Variants in CACHD1 observed in about 807,000 individuals in gnomAD.
CACHD1 encodes cache domain containing 1.
Under a neutral mutation model 138.7 loss-of-function variants are expected in CACHD1, and 71 were observed. The ratio of observed to expected loss-of-function variants is 0.51; its 90% CI spans 0.42 to 0.62. CACHD1 has a LOEUF of 0.62. CACHD1 is among the 20% of genes least tolerant of loss of function. The pLI, the probability that CACHD1 is intolerant of heterozygous loss-of-function variation, is 0.00. For synonymous variants in CACHD1, 578 were observed against 591.5 expected (o/e 0.98, Z 0.33); for missense variants, 1,389 against 1,625.3 (o/e 0.85, Z 2.50).
At chr1:64,638,774 C>A (rs1648606322) in intron 7 of CACHD1, among the ~76,000 whole-genome samples, 1 of 152,094 alleles carries the variant, frequency 6.6e-6, no homozygotes, top group Non-Finnish European at 1.5e-5. Flanking sequence ...CCCCAAGTCC[C>A]TGTAATTGCT....
rs1646625511 is a variant in CACHD1, at chr1:64,535,513, C to A, written c.199-15081C>A. ...GTTAATTTTGTATTTTTAGTAGAGG[C>A]AGAGTTTCACCATGTTGGCCAGGGT... is the stretch of plus-strand genomic sequence containing the variant. On this transcript the variant is annotated intron_variant, in intron 1 of 26. Coordinates refer to ENST00000651257, the MANE Select transcript of CACHD1 (RefSeq NM_020925.4). 2.0e-5 allele frequency among the ~76,000 whole-genome samples: 3 copies of A among 151,894 alleles called. No individual in the cohort carries two copies. In the South Asian group the frequency reaches 6.3e-4, roughly 32 times the overall value.
At chr1:64,617,240 G>A (rs939520082) in intron 4 of CACHD1, among the ~76,000 whole-genome samples, 1 of 151,760 alleles carries the variant, frequency 6.6e-6, no homozygotes, top group Non-Finnish European at 1.5e-5. Context: ...GTAATCTGTG[G>A]GTTCTAAAAA....
chr1:64,573,404 C>T lies in CACHD1; in HGVS notation c.262-8752C>T, dbSNP rs557472933. On this transcript the variant is annotated intron_variant, in intron 2 of 26. Transcript: ENST00000651257. ...TCTTGATCTTTGACTTCCCACTTTA[C>T]AGAACTATGAGAAATAAATATTTGT... Among the ~76,000 whole-genome samples the T allele has an allele frequency of 3.9e-5, 6 of 152,286 alleles. No homozygotes were observed. The South Asian group carries it at 1.0e-3, about 26-fold the overall frequency.
chr1:64,507,056 T>G (rs1478548938), intron 1 of CACHD1, among the ~76,000 whole-genome samples: 1 of 152,186 alleles, frequency 6.6e-6, no homozygotes, highest in Non-Finnish European at 1.5e-5. Flanking sequence ...GATGTGAATA[T>G]TTTGAGGTCC....
chr1:64,554,594 G>T (rs575734378), intron 2 of CACHD1, among the ~76,000 whole-genome samples: 63 of 152,274 alleles, frequency 4.1e-4, no homozygotes, highest in African/African-American at 1.3e-3. Context: ...CATTTGCCTC[G>T]CTCTGATTAC....
chr1:64,618,791 G>A lies in CACHD1; in HGVS notation c.518-10564G>A, dbSNP rs113028349. Among the ~76,000 whole-genome samples, 829 of 152,304 alleles carry A rather than the reference G, an allele frequency of 5.4e-3. 4 individuals are homozygous for A. Among genetic ancestry groups the A allele is most frequent in the Non-Finnish European group, 8.5e-3 (578 of 68,020 alleles). ...CAGTTTTGTTCTGTTGAGGAAGTAT[G>A]TGTGTTTTCGTTTGTCTGTGTCTCT... On this transcript the variant is annotated intron_variant, in intron 4 of 26. Transcript: ENST00000651257.
chr1:64,489,670 A>G (rs1002077134), intron 1 of CACHD1, among the ~76,000 whole-genome samples: 4 of 152,186 alleles, frequency 2.6e-5, no homozygotes, highest in African/African-American at 9.7e-5. Flanking sequence ...TGAGGTTTGT[A>G]AGAATATCTA....
chr1:64,513,885 C>T (rs1646440053), intron 1 of CACHD1, among the ~76,000 whole-genome samples: 2 of 152,110 alleles, frequency 1.3e-5, no homozygotes, highest in Non-Finnish European at 2.9e-5. Flanking sequence ...TGTAAAATTT[C>T]CTGAATTTTA....
At chr1:64,503,215 G>A (rs988743097) in intron 1 of CACHD1, among the ~76,000 whole-genome samples, 4 of 152,070 alleles carry the variant, frequency 2.6e-5, no homozygotes. Context: ...TTTTTAATGT[G>A]AAAAATAAAG....
At chr1:64,491,739 C>T (rs1033875543) in intron 1 of CACHD1, among the ~76,000 whole-genome samples, 4 of 152,124 alleles carry the variant, frequency 2.6e-5, no homozygotes, top group Non-Finnish European at 4.4e-5. Context: ...GCCTCAGCCT[C>T]CTGAGTAGCT....
At chr1:64,554,298 C>T (rs967701916) in intron 2 of CACHD1, among the ~76,000 whole-genome samples, 5 of 152,202 alleles carry the variant, frequency 3.3e-5, no homozygotes, top group Non-Finnish European at 7.3e-5. Context: ...TATCCTTGGC[C>T]TCCTGCCAAC....
chr1:64,667,747 A>T (rs189747465), intron 16 of CACHD1, among the ~76,000 whole-genome samples: 1 of 152,352 alleles, frequency 6.6e-6, no homozygotes, highest in Admixed American at 6.5e-5. Flanking sequence ...ATGTTGTTAT[A>T]GTGCAGGGAA....
intron 1 of CACHD1, among the ~76,000 whole-genome samples, chr1:64,533,379 C>G (rs1353066412): frequency 6.6e-6 from 1 of 152,132 alleles, no homozygotes; most frequent in Non-Finnish European, 1.5e-5. Context: ...AGAGGCCCTT[C>G]AGACACCGAG....
intron 1 of CACHD1, among the ~76,000 whole-genome samples, chr1:64,512,125 G>A (rs894733042): frequency 6.6e-6 from 1 of 152,290 alleles, no homozygotes; most frequent in East Asian, 1.9e-4. Flanking sequence ...TGGGCATGGT[G>A]GCTCAAGCCC....
chr1:64,595,335 T>C (rs1008842697), intron 3 of CACHD1, among the ~76,000 whole-genome samples: 1 of 152,150 alleles, frequency 6.6e-6, no homozygotes, highest in African/African-American at 2.4e-5. Flanking sequence ...AAACTTTTGC[T>C]CTTCACAAGG....
intron 1 of CACHD1, chr1:64,505,934 T>A (rs1288155560): frequency 7.4e-6 from 1 of 134,848 alleles, no homozygotes; most frequent in Admixed American, 7.5e-5. Flanking sequence ...GTTCTGCCCC[T>A]TTGTCTTCCA....
At chr1:64,622,653 T>C (rs544493364) in intron 4 of CACHD1, among the ~76,000 whole-genome samples, 4 of 152,344 alleles carry the variant, frequency 2.6e-5, no homozygotes, top group African/African-American at 9.6e-5. Flanking sequence ...GGAAGTACTA[T>C]ATGTAGTGTT....
Position 64,609,015 on chromosome 1 carries a change from G to C in CACHD1, c.517+6103G>C, listed in dbSNP as rs1190975988. Among the ~76,000 whole-genome samples, 4 of 152,284 alleles carry C rather than the reference G, an allele frequency of 2.6e-5. 1 individual carries two copies. The East Asian group carries it at 7.7e-4, about 29-fold the overall frequency. ...TTGGTAACATTGCAGTCTTCATTGA[G>C]AAACGGGATTCACGGGGTGTAAGGG... On this transcript the variant is annotated intron_variant, in intron 4 of 26. Coordinates refer to ENST00000651257, the MANE Select transcript of CACHD1 (RefSeq NM_020925.4).
intron 1 of CACHD1, among the ~76,000 whole-genome samples, chr1:64,484,165 G>C (rs1053510827): frequency 6.6e-6 from 1 of 151,978 alleles, no homozygotes; most frequent in Admixed American, 6.6e-5. Flanking sequence ...GGGTTAGCGG[G>C]AGCGACAACT....
Sources: gnomAD v4.1 joint callset for allele counts (sites outside exome capture counted in the v4.1 genomes callset) on GRCh38, gnomAD v4.1.1 for gene constraint, MANE v1.5 for transcripts, NCBI Gene and HGNC (gene_info 2026-07-23, HGNC 2026-07-21) for gene names.